DTNA: variants seen among roughly 807,000 people sequenced by gnomAD.
The protein encoded by DTNA is dystrophin-related protein 3.
In DTNA, 43 loss-of-function variants were observed where a neutral mutation model predicts 100.7. That is an observed-to-expected ratio of 0.43 (90% CI 0.33 to 0.55). The LOEUF (loss-of-function observed/expected upper bound fraction) is 0.55. Ranked by LOEUF, DTNA falls within the 20% of genes least tolerant of loss-of-function variation. DTNA has a pLI of 0.04. For missense variants in DTNA, 798 were observed against 953.9 expected (o/e 0.84, Z 2.15); for synonymous variants, 349 against 347.9 (o/e 1.00, Z -0.04).
At chr18:34,594,509 A>T (rs1468042013) in intron 1 of DTNA, among the ~76,000 whole-genome samples, 2 of 152,236 alleles carry the variant, frequency 1.3e-5, no homozygotes. Context: ...TACAGAGTGC[A>T]CAGATGAACA....
chr18:34,632,266 T>C (rs765563694), intron 1 of DTNA, among the ~76,000 whole-genome samples: 1 of 152,150 alleles, frequency 6.6e-6, no homozygotes, highest in Non-Finnish European at 1.5e-5. Flanking sequence ...TGGGACATTT[T>C]GTGTCAACTT....
At chr18:34,533,726 A>G (rs2043391818) in intron 1 of DTNA, among the ~76,000 whole-genome samples, 1 of 152,178 alleles carries the variant, frequency 6.6e-6, no homozygotes, top group Admixed American at 6.6e-5. Context: ...GTGTGTATAT[A>G]AACCATACAA....
intron 1 of DTNA, among the ~76,000 whole-genome samples, chr18:34,602,956 T>G (rs1435549222): frequency 6.6e-6 from 1 of 151,046 alleles, no homozygotes; most frequent in Non-Finnish European, 1.5e-5. Context: ...TGAACCGAGA[T>G]CACGCCATTG....
chr18:34,754,498 C>G (rs1164811794), intron 1 of DTNA, among the ~76,000 whole-genome samples: 2 of 152,040 alleles, frequency 1.3e-5, no homozygotes, highest in African/African-American at 4.8e-5. Flanking sequence ...ACAGCGTGGT[C>G]CTGGCTTGAT....
intron 16 of DTNA, among the ~76,000 whole-genome samples, chr18:34,863,357 T>G (rs1339784568): frequency 6.6e-6 from 1 of 152,228 alleles, no homozygotes; most frequent in African/African-American, 2.4e-5. Flanking sequence ...ATATATCATC[T>G]TCACTTGTTG....
intron 1 of DTNA, among the ~76,000 whole-genome samples, chr18:34,626,331 CA>C (rs1447679493): frequency 6.6e-6 from 1 of 151,908 alleles, no homozygotes; most frequent in East Asian, 1.9e-4. Context: ...AATGGATTAA[CA>C]TTTGTTAAAA....
intron 3 of DTNA, among the ~76,000 whole-genome samples, chr18:34,791,842 C>G (rs1354645091): frequency 2.0e-5 from 3 of 152,130 alleles, no homozygotes; most frequent in African/African-American, 4.8e-5. Flanking sequence ...ACTTTTTACT[C>G]TATGCATTTT....
chr18:34,725,344 C>A (rs2086375548), intron 1 of DTNA, among the ~76,000 whole-genome samples: 1 of 151,656 alleles, frequency 6.6e-6, no homozygotes, highest in Non-Finnish European at 1.5e-5. Context: ...TGCAATCTAT[C>A]CATCTGACAA....
chr18:34,656,315 G>A (rs1401372356), intron 1 of DTNA, among the ~76,000 whole-genome samples: 1 of 152,176 alleles, frequency 6.6e-6, no homozygotes, highest in African/African-American at 2.4e-5. Flanking sequence ...GATTCGTCTT[G>A]GTTAAGTCAG....
At chr18:34,615,570 CTTTTA>C (rs1268481471) in intron 1 of DTNA, among the ~76,000 whole-genome samples, 4 of 151,838 alleles carry the variant, frequency 2.6e-5, no homozygotes, top group Admixed American at 6.6e-5. Context: ...ATTTTTTTAA[CTTTTA>C]TTTTAGTTTC....
At chr18:34,555,211 C>T (rs1426073042) in intron 1 of DTNA, among the ~76,000 whole-genome samples, 15 of 141,174 alleles carry the variant, frequency 1.1e-4, no homozygotes, top group Admixed American at 2.1e-4. Context: ...TCTGTGGGAT[C>T]GGTGGTGATA....
chr18:34,829,114 A>G (rs1358316064), intron 10 of DTNA: 2 of 1,613,934 alleles, frequency 1.2e-6, no homozygotes, highest in African/African-American at 2.7e-5. Flanking sequence ...TTCCTATAAT[A>G]CTTTGAGCTG....
intron 1 of DTNA, among the ~76,000 whole-genome samples, chr18:34,619,400 A>T (rs192758974): frequency 8.9e-4 from 136 of 152,340 alleles, no homozygotes; most frequent in Non-Finnish European, 1.1e-3. Context: ...GAGAACCTCA[A>T]ACCAGGAAGA....
At chr18:34,770,042 A>G (rs1178997934) in intron 3 of DTNA, among the ~76,000 whole-genome samples, 1 of 151,996 alleles carries the variant, frequency 6.6e-6, no homozygotes, top group Admixed American at 6.6e-5. Context: ...TTATAAGGGC[A>G]CTAATCCCCA....
At chr18:34,521,504 TTAA>T (rs1177959887) in intron 1 of DTNA, among the ~76,000 whole-genome samples, 44 of 152,116 alleles carry the variant, frequency 2.9e-4, no homozygotes, top group Non-Finnish European at 1.9e-4. Flanking sequence ...CACACTTAGG[TTAA>T]AAATCAGTTC....
intron 8 of DTNA, among the ~76,000 whole-genome samples, 195 bp from the exon 9 acceptor site, chr18:34,820,596 T>C (rs1178136001): frequency 6.6e-6 from 1 of 152,192 alleles, no homozygotes; most frequent in African/African-American, 2.4e-5. Context: ...ATTGTAGCAT[T>C]TGCTGACACT....
rs116270774 is a variant in DTNA, at chr18:34,596,746, T to G, written c.-2+103232T>G. 2.8e-3 allele frequency among the ~76,000 whole-genome samples: 420 copies of G among 152,330 alleles called. 2 individuals carry two copies. Among genetic ancestry groups the G allele is most frequent in the African/African-American group, 9.7e-3 (401 of 41,548 alleles). On this transcript the variant is annotated intron_variant, in intron 1 of 19. Transcript: ENST00000283365. Reference sequence around the variant, plus strand: ...CAGATAACTTTTCTGATTTTATTTTTTAGTTGTGACCTGATATATTCAAAC... The same window carrying G: ...CAGATAACTTTTCTGATTTTATTTTGTAGTTGTGACCTGATATATTCAAAC...
chr18:34,553,887 T>G (rs1368522742), intron 1 of DTNA, among the ~76,000 whole-genome samples: 3 of 151,970 alleles, frequency 2.0e-5, no homozygotes, highest in African/African-American at 7.3e-5. Flanking sequence ...ATATGAACTT[T>G]AAAGTAGTTT....
At chr18:34,731,408 A>G (rs939136260) in intron 1 of DTNA, among the ~76,000 whole-genome samples, 4 of 151,928 alleles carry the variant, frequency 2.6e-5, no homozygotes, top group Non-Finnish European at 5.9e-5. Flanking sequence ...GAACCCGGGA[A>G]GCGGAGCTTG....
Sources: allele counts gnomAD v4.1 joint callset (sites outside exome capture counted in the v4.1 genomes callset), GRCh38; gene constraint gnomAD v4.1.1; transcripts MANE v1.5; gene names NCBI Gene and HGNC (gene_info 2026-07-23, HGNC 2026-07-21).